DPP6: variants seen among roughly 807,000 people sequenced by gnomAD.
The protein encoded by DPP6 is A-type potassium channel modulatory protein DPP6.
DPP6 carries 69 observed loss-of-function variants against 122.6 expected under a neutral mutation model. The ratio of observed to expected loss-of-function variants is 0.56; its 90% CI spans 0.46 to 0.69. The LOEUF (loss-of-function observed/expected upper bound fraction) is 0.69. Among genes scored for constraint, DPP6 ranks in the 30% least tolerant of loss-of-function variants. DPP6 has a pLI of 0.00. For synonymous variants in DPP6, 418 were observed against 433.1 expected (o/e 0.97, Z 0.43); for missense variants, 928 against 1,116.9 (o/e 0.83, Z 2.41).
chr7:154,412,611 G>T (rs974203422), intron 1 of DPP6, among the ~76,000 whole-genome samples: 2 of 152,112 alleles, frequency 1.3e-5, no homozygotes, highest in African/African-American at 4.8e-5. Context: ...TAGGTTTTTG[G>T]TTATCTCTGG....
At chr7:154,105,630 C>T (rs945823948) in intron 1 of DPP6, among the ~76,000 whole-genome samples, 3 of 152,218 alleles carry the variant, frequency 2.0e-5, no homozygotes, top group African/African-American at 7.2e-5. Context: ...GGGAGGTAAT[C>T]GATTCATGAG....
intron 1 of DPP6, among the ~76,000 whole-genome samples, chr7:154,347,542 G>C (rs1810500456): frequency 6.6e-6 from 1 of 152,188 alleles, no homozygotes. Flanking sequence ...TCTGATTAAA[G>C]GGAAAACTAA....
rs192236284 is a variant in DPP6 at position 154,091,569 on chromosome 7, C to T, written c.243+38506C>T. Among the ~76,000 whole-genome samples, 233 of 152,128 alleles carry T rather than the reference C, an allele frequency of 1.5e-3. 3 individuals carry two copies. The highest frequency in any genetic ancestry group is 5.4e-3 in the African/African-American group (224 of 41,524). ...GTCAGAAGCATTTGAGAAAGTCTCTCGCGGTATAACAATGGCAGTTTTTTG... is the reference window on the plus strand; with the variant it reads ...GTCAGAAGCATTTGAGAAAGTCTCTTGCGGTATAACAATGGCAGTTTTTTG... On this transcript the variant is annotated intron_variant, in intron 1 of 25. Transcript: ENST00000377770.
chr7:154,871,193 C>A (rs1461369600), intron 18 of DPP6, among the ~76,000 whole-genome samples: 1 of 151,978 alleles, frequency 6.6e-6, no homozygotes, highest in African/African-American at 2.4e-5. Flanking sequence ...AAGCCTGCAG[C>A]ACTGGTGTGT....
intron 3 of DPP6, among the ~76,000 whole-genome samples, chr7:154,487,702 T>G (rs1329360388): frequency 6.6e-6 from 1 of 152,218 alleles, no homozygotes; most frequent in Non-Finnish European, 1.5e-5. Context: ...AACACGATGA[T>G]ATTCACATGA....
At position 153,944,663 on chromosome 7, in the gene DPP6, G is replaced by GTTTTTTTTTTTTTTTTTTTT. The variant is rs769081715; in HGVS notation, c.51+56929_51+56930insTTTTTTTTTTTTTTTTTTTT. Among the ~76,000 whole-genome samples the GTTTTTTTTTTTTTTTTTTTT allele has an allele frequency of 1.9e-5, 2 of 103,952 alleles. 1 individual carries two copies. 68.2% of individuals were successfully genotyped at this position (103,952 alleles called of 152,430 possible). A position where few individuals can be genotyped will look rare whatever the true frequency, so the allele number is the denominator to read the frequency against. ...ACCATCAGTTTCTTATTTTTGTGTG[G>GTTTTTTTTTTTTTTTTTTTT]GTTTTTTTTTTTTTTTTTTTTTTGA... On this transcript the variant is annotated intron_variant, in intron 1 of 25. Transcript: ENST00000404039.
chr7:154,235,695 T>G (rs1295543253), intron 1 of DPP6, among the ~76,000 whole-genome samples: 1 of 152,146 alleles, frequency 6.6e-6, no homozygotes, highest in Non-Finnish European at 1.5e-5. Context: ...CTGTTTTTCT[T>G]TTTTTCCCCT....
Position 154,090,701 on chromosome 7 carries a change from C to A in DPP6, c.243+37638C>A, listed in dbSNP as rs372606604. 8.3e-4 allele frequency among the ~76,000 whole-genome samples: 125 copies of A among 149,752 alleles called. 1 individual carries two copies. The South Asian group carries it at 0.012, about 15-fold the overall frequency. On this transcript the variant is annotated intron_variant, in intron 1 of 25. Coordinates refer to ENST00000377770, the MANE Select transcript of DPP6 (RefSeq NM_130797.4). Reference sequence around the variant, plus strand: ...TGGGTTGTTGAGGGCACCAGGGACCCCAGGTGGAACTGGTAAGAAAAGCTG... The same window carrying A: ...TGGGTTGTTGAGGGCACCAGGGACCACAGGTGGAACTGGTAAGAAAAGCTG...
intron 7 of DPP6, among the ~76,000 whole-genome samples, chr7:154,709,994 C>T (rs1043026371): frequency 1.3e-5 from 2 of 152,192 alleles, no homozygotes; most frequent in African/African-American, 4.8e-5. Context: ...ATCACCTGGA[C>T]TCAGTAGGAT....
chr7:154,751,127 C>A (rs968407746), intron 8 of DPP6, among the ~76,000 whole-genome samples: 1 of 152,060 alleles, frequency 6.6e-6, no homozygotes. Flanking sequence ...TGGGAGGAAA[C>A]CTGTTTACTA....
chr7:154,694,917 A>AC (rs971709287), intron 7 of DPP6, among the ~76,000 whole-genome samples: 1 of 152,102 alleles, frequency 6.6e-6, no homozygotes, highest in Non-Finnish European at 1.5e-5. Flanking sequence ...ATGCACACAC[A>AC]CCACCCATGC....
chr7:154,649,221 T>G (rs917224410), intron 6 of DPP6, among the ~76,000 whole-genome samples: 1 of 152,242 alleles, frequency 6.6e-6, no homozygotes, highest in African/African-American at 2.4e-5. Flanking sequence ...TGCATTCATT[T>G]GTTTTTCACT....
chr7:154,561,606 T>G lies in DPP6; in HGVS notation c.553-5236T>G, dbSNP rs1008900622. On this transcript the variant is annotated intron_variant, in intron 4 of 25. Transcript: ENST00000377770. ...AATACTTAAAGGGGAATTTATATCT[T>G]TAACTGTTCATATTAGATCTCAGCT... 3.3e-5 allele frequency among the ~76,000 whole-genome samples: 5 copies of G among 152,192 alleles called. No individual in the cohort carries two copies. The South Asian group carries it at 6.2e-4, about 19-fold the overall frequency.
chr7:154,182,585 C>T (rs1238197586), intron 1 of DPP6, among the ~76,000 whole-genome samples: 1 of 152,166 alleles, frequency 6.6e-6, no homozygotes, highest in Non-Finnish European at 1.5e-5. Flanking sequence ...AAATGTTTGG[C>T]AGCCAGCACT....
rs769081715 is a variant in DPP6 at position 153,944,663 on chromosome 7, G to GTTTTTT, written c.51+56929_51+56930insTTTTTT. Among the ~76,000 whole-genome samples the GTTTTTT allele has an allele frequency of 1.5e-3, 152 of 103,908 alleles. 9 individuals are homozygous for GTTTTTT. Among genetic ancestry groups the GTTTTTT allele is most frequent in the Middle Eastern group, 5.7e-3 (1 of 176 alleles). 68.2% of individuals were successfully genotyped at this position (103,908 alleles called of 152,430 possible). On this transcript the variant is annotated intron_variant, in intron 1 of 25. Transcript: ENST00000404039. The stretch of plus-strand genomic sequence containing the variant: ...ACCATCAGTTTCTTATTTTTGTGTG[G>GTTTTTT]GTTTTTTTTTTTTTTTTTTTTTTGA...
chr7:154,854,282 T>C (rs189563623), intron 17 of DPP6, among the ~76,000 whole-genome samples: 3 of 152,298 alleles, frequency 2.0e-5, no homozygotes, highest in Admixed American at 1.3e-4. Flanking sequence ...GAAAAACTTA[T>C]TCTGCCATTT....
chr7:154,351,412 A>G (rs1301140616), intron 1 of DPP6, among the ~76,000 whole-genome samples: 2 of 152,208 alleles, frequency 1.3e-5, no homozygotes, highest in Non-Finnish European at 2.9e-5. Context: ...TCTCCAGCTC[A>G]GAACCCAGGA....
intron 15 of DPP6, among the ~76,000 whole-genome samples, chr7:154,806,068 T>G (rs1287652849): frequency 6.6e-6 from 1 of 152,236 alleles, no homozygotes; most frequent in Non-Finnish European, 1.5e-5. Context: ...GAGGTCAGCA[T>G]GAGGGAGCCA....
At chr7:153,786,894 A>G in the DPP6 span, among the ~76,000 whole-genome samples, 1 of 146,864 alleles carries the variant, frequency 6.8e-6, no homozygotes, top group East Asian at 1.9e-4. Context: ...ACATTCTAGA[A>G]ATGAATTTAG....
Sources: gnomAD v4.1 joint callset for allele counts (sites outside exome capture counted in the v4.1 genomes callset) on GRCh38, gnomAD v4.1.1 for gene constraint, MANE v1.5 for transcripts, NCBI Gene and HGNC (gene_info 2026-07-23, HGNC 2026-07-21) for gene names.